PTPRD: variants seen among roughly 807,000 people sequenced by gnomAD.
PTPRD encodes the protein protein tyrosine phosphatase receptor type D.
A neutral mutation model predicts 214.5 loss-of-function variants in PTPRD; 34 were observed. The ratio of observed to expected loss-of-function variants is 0.16; its 90% CI spans 0.12 to 0.21. PTPRD has a LOEUF of 0.21. Among genes scored for constraint, PTPRD ranks in the 10% least tolerant of loss-of-function variants. The probability of loss-of-function intolerance (pLI) is 1.00; values close to 1 mark genes in which losing one functional copy is unlikely to be tolerated. For synonymous variants in PTPRD, 1,128 were observed against 845.7 expected (o/e 1.33, Z -5.79); for missense variants, 2,545 against 2,398.7 (o/e 1.06, Z -1.27).
At chr9:10,595,475 A>C (rs2076408395) in intron 2 of PTPRD, among the ~76,000 whole-genome samples, 1 of 151,606 alleles carries the variant, frequency 6.6e-6, no homozygotes, top group African/African-American at 2.4e-5. Flanking sequence ...ACCCTTTAAA[A>C]CATGTTTTCT....
chr9:9,948,214 GCA>G (rs1157154519), intron 4 of PTPRD, among the ~76,000 whole-genome samples: 4 of 151,956 alleles, frequency 2.6e-5, no homozygotes, highest in African/African-American at 9.7e-5. Flanking sequence ...TCCTCCTAAA[GCA>G]CAGTTTTTGT....
chr9:8,759,248 T>C (rs1423345001), intron 11 of PTPRD, among the ~76,000 whole-genome samples: 2 of 152,128 alleles, frequency 1.3e-5, no homozygotes, highest in African/African-American at 4.8e-5. Context: ...GATAGGGTTC[T>C]ACTATGTTGA....
At chr9:9,513,570 C>A (rs10816145) in intron 8 of PTPRD, among the ~76,000 whole-genome samples, 83,016 of 149,818 alleles carry the variant, frequency 0.55, 23,552 homozygotes, top group South Asian at 0.77. Flanking sequence ...CAGTAATAAC[C>A]TGATAAAGAT....
intron 5 of PTPRD, among the ~76,000 whole-genome samples, chr9:9,912,755 T>C (rs2079569504): frequency 6.6e-6 from 1 of 152,208 alleles, no homozygotes; most frequent in African/African-American, 2.4e-5. Flanking sequence ...GAGAATGATA[T>C]TCCCTAGACT....
intron 9 of PTPRD, among the ~76,000 whole-genome samples, chr9:9,296,198 A>G (rs1952967872): frequency 6.6e-6 from 1 of 151,784 alleles, no homozygotes; most frequent in African/African-American, 2.4e-5. Context: ...CTGGTTCTGC[A>G]CCATGAACTT....
At chr9:8,535,490 G>T in intron 14 of PTPRD, among the ~76,000 whole-genome samples, 1 of 151,798 alleles carries the variant, frequency 6.6e-6, no homozygotes, top group East Asian at 1.9e-4. Flanking sequence ...TCCTAAAAAT[G>T]AATTTTAAAA....
At chr9:9,759,555 CT>C (rs3050068) in intron 6 of PTPRD, among the ~76,000 whole-genome samples, 1,748 of 117,764 alleles carry the variant, frequency 0.015, 12 homozygotes, top group African/African-American at 0.051. Flanking sequence ...CAAGGTCTGT[CT>C]TTTTTTTTTT....
intron 7 of PTPRD, among the ~76,000 whole-genome samples, chr9:9,630,652 G>A (rs374487845): frequency 2.0e-4 from 30 of 152,188 alleles, no homozygotes; most frequent in East Asian, 3.9e-4. Flanking sequence ...TGCAAAATCC[G>A]GGAGGAAAAT....
At chr9:9,699,319 A>T (rs910891296) in intron 7 of PTPRD, among the ~76,000 whole-genome samples, 1 of 152,118 alleles carries the variant, frequency 6.6e-6, no homozygotes, top group African/African-American at 2.4e-5. Flanking sequence ...TCCTTTTCAT[A>T]TTATGTCAAA....
At chr9:8,852,702 A>T (rs1021054785) in intron 11 of PTPRD, among the ~76,000 whole-genome samples, 1 of 152,188 alleles carries the variant, frequency 6.6e-6, no homozygotes, top group African/African-American at 2.4e-5. Flanking sequence ...CTTATCTATG[A>T]CACATAGGGA....
intron 5 of PTPRD, among the ~76,000 whole-genome samples, chr9:9,843,790 C>T (rs754346729): frequency 2.0e-5 from 3 of 151,316 alleles, no homozygotes; most frequent in Non-Finnish European, 3.0e-5. Flanking sequence ...AAATGAAAAC[C>T]GAAATTTAAA....
At chr9:8,340,792 A>G (rs1360567427) in intron 41 of PTPRD, among the ~76,000 whole-genome samples, 1 of 152,136 alleles carries the variant, frequency 6.6e-6, no homozygotes, top group Non-Finnish European at 1.5e-5. Flanking sequence ...TTTTCTAGAA[A>G]TTATTCTCAC....
chr9:8,359,614 G>A (rs967527694), intron 39 of PTPRD, among the ~76,000 whole-genome samples: 7 of 152,238 alleles, frequency 4.6e-5, no homozygotes, highest in South Asian at 2.1e-4. Context: ...GATTATAGGC[G>A]TGAGCCACCC....
chr9:9,795,744 T>C (rs376480304), intron 5 of PTPRD, among the ~76,000 whole-genome samples: 8 of 151,870 alleles, frequency 5.3e-5, no homozygotes, highest in Admixed American at 5.2e-4. Context: ...TGAAGTTGCA[T>C]GGTTTATGTT....
At chr9:9,973,923 C>A (rs888195587) in intron 4 of PTPRD, among the ~76,000 whole-genome samples, 6 of 152,040 alleles carry the variant, frequency 3.9e-5, no homozygotes, top group African/African-American at 1.4e-4. Flanking sequence ...TGATCACAAG[C>A]TTTCTATACC....
intron 11 of PTPRD, among the ~76,000 whole-genome samples, chr9:8,836,907 T>C (rs1038052114): frequency 4.6e-5 from 7 of 152,072 alleles, no homozygotes; most frequent in African/African-American, 1.7e-4. Context: ...GAACTAGCTC[T>C]CTTCTAAGAC....
At chr9:9,956,300 C>G (rs1001110927) in intron 4 of PTPRD, among the ~76,000 whole-genome samples, 4 of 149,046 alleles carry the variant, frequency 2.7e-5, no homozygotes, top group Non-Finnish European at 5.9e-5. Flanking sequence ...AAAAAAAACT[C>G]TACCAAATTG....
At chr9:10,528,582 C>T (rs939907590) in intron 2 of PTPRD, among the ~76,000 whole-genome samples, 13 of 152,086 alleles carry the variant, frequency 8.5e-5, no homozygotes, top group Non-Finnish European at 1.9e-4. Flanking sequence ...CAGGGCCTAG[C>T]CCAATGGCCA....
At chr9:9,500,376 G>A (rs1448413456) in intron 8 of PTPRD, among the ~76,000 whole-genome samples, 1 of 152,040 alleles carries the variant, frequency 6.6e-6, no homozygotes, top group Non-Finnish European at 1.5e-5. Flanking sequence ...AATGAATTAG[G>A]TTCTACATTT....
Sources: allele counts gnomAD v4.1 joint callset (sites outside exome capture counted in the v4.1 genomes callset), GRCh38; gene constraint gnomAD v4.1.1; transcripts MANE v1.5; gene names NCBI Gene and HGNC (gene_info 2026-07-23, HGNC 2026-07-21).